The following RBFOX3 variants were observed in gnomAD, a reference collection of about 807,000 sequenced individuals.
RBFOX3 encodes RNA binding fox-1 homolog 3.
A neutral mutation model predicts 48.7 loss-of-function variants in RBFOX3; 17 were observed. The observed-to-expected ratio is 0.35, with a 90% CI of 0.24 to 0.52. The LOEUF is 0.52. RBFOX3 is among the 20% of genes least tolerant of loss of function. The pLI is 0.94. For synonymous variants in RBFOX3, 212 were observed against 209.5 expected, an observed-to-expected ratio of 1.01 and a Z score of -0.10; for missense variants, 382 against 497.5, an observed-to-expected ratio of 0.77 and a Z score of 2.21.
chr17:79,115,444 G>C (rs1052860337), intron 5 of RBFOX3, 50 bp downstream of exon 5: 1 of 1,183,464 alleles, frequency 8.4e-7, no homozygotes, highest in African/African-American at 1.6e-5. Context: ...CTGGGTGGGT[G>C]CTCCTCCCTG....
chr17:79,593,195 C>T (rs888521614), intron 1 of RBFOX3, among the ~76,000 whole-genome samples: 16 of 152,154 alleles, frequency 1.1e-4, no homozygotes, highest in African/African-American at 3.6e-4. Flanking sequence ...GGAGACCCCA[C>T]ATCCCACCAG....
intron 2 of RBFOX3, among the ~76,000 whole-genome samples, chr17:79,430,631 C>T (rs1382179978): frequency 5.9e-5 from 9 of 152,206 alleles, no homozygotes; most frequent in African/African-American, 2.2e-4. Context: ...CTGCAACCAC[C>T]GCCTCCGGGT....
At chr17:79,617,789 C>T in the RBFOX3 span, among the ~76,000 whole-genome samples, 1 of 152,208 alleles carries the variant, frequency 6.6e-6, no homozygotes, top group Non-Finnish European at 1.5e-5. Flanking sequence ...ACAGTCCGCC[C>T]ATATCACAGA....
At chr17:79,389,430 T>A (rs76059324) in intron 2 of RBFOX3, among the ~76,000 whole-genome samples, 5,674 of 152,302 alleles carry the variant, frequency 0.037, 154 homozygotes, top group South Asian at 0.066. Context: ...TTCGTACTTT[T>A]CAGGAACTCT....
intron 2 of RBFOX3, among the ~76,000 whole-genome samples, chr17:79,360,163 C>CA (rs1055992577): frequency 8.8e-4 from 134 of 152,228 alleles, no homozygotes; most frequent in African/African-American, 3.0e-3. Flanking sequence ...GCTCATGAAA[C>CA]AAAAATACTT....
intron 1 of RBFOX3, among the ~76,000 whole-genome samples, chr17:79,547,645 G>A (rs2090626552): frequency 6.6e-6 from 1 of 152,092 alleles, no homozygotes; most frequent in Non-Finnish European, 1.5e-5. Flanking sequence ...TTCACTTTCG[G>A]GGAACATCCA....
chr17:79,154,966 C>T (rs562954498), intron 4 of RBFOX3, among the ~76,000 whole-genome samples: 7 of 149,978 alleles, frequency 4.7e-5, no homozygotes, highest in East Asian at 2.0e-4. Context: ...CGTCAGGTGG[C>T]GCTGGCAGCC....
At chr17:79,146,967 T>TGCC (rs2043167828) in intron 4 of RBFOX3, among the ~76,000 whole-genome samples, 2 of 152,202 alleles carry the variant, frequency 1.3e-5, no homozygotes, top group Admixed American at 1.3e-4. Context: ...GCCCCCTGCC[T>TGCC]GCCTCCTGGA....
chr17:79,298,889 G>A (rs2074843373), intron 3 of RBFOX3, among the ~76,000 whole-genome samples: 1 of 152,214 alleles, frequency 6.6e-6, no homozygotes, highest in Non-Finnish European at 1.5e-5. Context: ...TGCGAGTGAT[G>A]TTGACCTTGC....
chr17:79,471,966 CA>C lies in RBFOX3; in HGVS notation c.-175+10487del. Among the ~76,000 whole-genome samples, 1 of 152,342 alleles carries C rather than the reference CA, an allele frequency of 6.6e-6. No individual in the cohort carries two copies. Among genetic ancestry groups the C allele is most frequent in the East Asian group, 1.9e-4 (1 of 5,184 alleles). On this transcript the variant is annotated intron_variant, in intron 2 of 14. Coordinates refer to ENST00000693108, the MANE Select transcript of RBFOX3 (RefSeq NM_001350451.2). The surrounding 1 kb of genome is among the most constrained non-coding windows in gnomAD (Gnocchi z 4.0). ...ACTATGTGCAGCACTGTGGGAGAAA[CA>C]AGTTGCAGCCTGTGCCCTTAAGGAA...
chr17:79,350,149 T>C (rs1460641844), intron 2 of RBFOX3, among the ~76,000 whole-genome samples: 1 of 152,188 alleles, frequency 6.6e-6, no homozygotes, highest in African/African-American at 2.4e-5. Flanking sequence ...CCCCTGTCCG[T>C]GGCATTGTCC....
rs146561116 is a variant in RBFOX3 at position 79,197,113 on chromosome 17, G to A, written c.-34+38653C>T. ...TGTGCCCATGTGGGTGGCTGGGCAC[G>A]CGTGGGTAAAATGGAAGGAGGTGCA... On this transcript the variant is annotated intron_variant, in intron 4 of 14. Transcript: ENST00000693108. Among the ~76,000 whole-genome samples, 35 of 150,556 alleles carry A rather than the reference G, an allele frequency of 2.3e-4. No homozygotes were observed. In the East Asian group the frequency reaches 5.6e-3, roughly 24 times the overall value.
At chr17:79,133,554 A>G (rs1335709507) in intron 4 of RBFOX3, among the ~76,000 whole-genome samples, 1 of 152,170 alleles carries the variant, frequency 6.6e-6, no homozygotes, top group African/African-American at 2.4e-5. Context: ...TGAGGTGTCC[A>G]AATACCTCCT....
chr17:79,140,764 A>T (rs2041756486), intron 4 of RBFOX3, among the ~76,000 whole-genome samples: 1 of 152,242 alleles, frequency 6.6e-6, no homozygotes. Flanking sequence ...CAGTGGAGAG[A>T]CAGGTTTAAC....
At chr17:79,576,355 T>C (rs968116066) in intron 1 of RBFOX3, among the ~76,000 whole-genome samples, 3 of 151,888 alleles carry the variant, frequency 2.0e-5, no homozygotes, top group Non-Finnish European at 4.4e-5. Flanking sequence ...ATGGAGATGA[T>C]GGAGAAGCTG....
At chr17:79,316,302 A>AGT (rs2077536650) in intron 2 of RBFOX3, among the ~76,000 whole-genome samples, 1 of 152,174 alleles carries the variant, frequency 6.6e-6, no homozygotes, top group Non-Finnish European at 1.5e-5. Flanking sequence ...TGAAACAAAC[A>AGT]GAGAAGTTTC....
In RBFOX3 at chr17:79,092,969, AG is replaced by A. The variant is rs1240777200; in HGVS notation, c.1077+1481del. ...TGTCCTTATGCAGAGGGGGGGTCCC[AG>A]CTTGAGCCCCACCTCCTCGCACCCC... is the stretch of plus-strand genomic sequence containing the variant. On this transcript the variant is annotated intron_variant, in intron 14 of 14. Transcript: ENST00000693108. Among the ~76,000 whole-genome samples the A allele has an allele frequency of 6.6e-4, 101 of 152,136 alleles. 1 individual carries two copies. The highest frequency in any genetic ancestry group is 2.4e-3 in the African/African-American group (99 of 41,460).
rs1006809214 is a variant in RBFOX3, at chr17:79,090,041, C to A, written c.*842G>T. 6.6e-6 allele frequency: 1 copy of A among 152,394 alleles called. No homozygotes were observed. Among genetic ancestry groups the A allele is most frequent in the Admixed American group, 6.5e-5 (1 of 15,292 alleles). 9.4% of individuals were successfully genotyped at this position (152,394 alleles called of 1,614,324 possible). A position where few individuals can be genotyped will look rare whatever the true frequency, so the allele number is the denominator to read the frequency against. ...GAGGGCTGGGTCCCAGCAGGCAGCA[C>A]GAGGTCAGCCTTGGTGTACACAGGC... On this transcript the variant is annotated 3_prime_UTR_variant, in exon 15 of 15. Coordinates refer to ENST00000693108, the MANE Select transcript of RBFOX3 (RefSeq NM_001350451.2).
chr17:79,224,743 T>C (rs28641853), intron 4 of RBFOX3, among the ~76,000 whole-genome samples: 32,482 of 152,206 alleles, frequency 0.21, 4,687 homozygotes, highest in African/African-American at 0.41. Context: ...TTGGAGGATG[T>C]GTCATCTGGT....
Sources: allele counts gnomAD v4.1 joint callset (sites outside exome capture counted in the v4.1 genomes callset), GRCh38; gene constraint gnomAD v4.1.1; non-coding constraint Gnocchi (gnomAD v3.1); transcripts MANE v1.5; gene names NCBI Gene and HGNC (gene_info 2026-07-23, HGNC 2026-07-21).